Variants in COMMD1 observed in about 807,000 individuals in gnomAD.
The protein encoded by COMMD1 is COMM domain-containing protein 1.
COMMD1 carries 10 observed loss-of-function variants against 17.2 expected under a neutral mutation model. That is an observed-to-expected ratio of 0.58 (90% confidence interval 0.36 to 0.99). COMMD1 has a LOEUF of 0.99. Ranked by LOEUF, COMMD1 falls within the 50% of genes least tolerant of loss-of-function variation. COMMD1 has a pLI of 0.01. For synonymous variants in COMMD1, 97 were observed against 91.6 expected (o/e 1.06, Z -0.34); for missense variants, 270 against 231.8 (o/e 1.17, Z -1.07).
At chr2:62,019,123 CCCTCCCTCCCTT>C (rs1269040425) in intron 2 of COMMD1, among the ~76,000 whole-genome samples, 7 of 130,658 alleles carry the variant, frequency 5.4e-5, no homozygotes, top group South Asian at 2.9e-4. Context: ...CTCCCTCCCT[CCCTCCCTCCCTT>C]CCTTCCTTCC....
At chr2:62,028,535 T>G (rs1328439966) in intron 2 of COMMD1, among the ~76,000 whole-genome samples, 1 of 152,120 alleles carries the variant, frequency 6.6e-6, no homozygotes, top group African/African-American at 2.4e-5. Flanking sequence ...ACTGTGTCAC[T>G]GCACTCCAGC....
chr2:62,030,171 G>A (rs570232773), intron 2 of COMMD1, among the ~76,000 whole-genome samples: 1 of 152,294 alleles, frequency 6.6e-6, no homozygotes, highest in African/African-American at 2.4e-5. Context: ...TCTCTGGGAT[G>A]GGGGTCTTAT....
intron 2 of COMMD1, among the ~76,000 whole-genome samples, chr2:62,070,867 CA>C (rs1194545699): frequency 6.6e-6 from 1 of 151,960 alleles, no homozygotes. Flanking sequence ...CTGTCTCTAC[CA>C]AAAATACAAA....
At chr2:62,098,401 G>A (rs1218065900) in intron 2 of COMMD1, among the ~76,000 whole-genome samples, 2 of 151,962 alleles carry the variant, frequency 1.3e-5, no homozygotes, top group Non-Finnish European at 2.9e-5. Flanking sequence ...GTGAGCCACC[G>A]TGCCTGGCCT....
At chr2:62,085,583 A>G (rs561800751) in intron 2 of COMMD1, among the ~76,000 whole-genome samples, 1 of 152,140 alleles carries the variant, frequency 6.6e-6, no homozygotes, top group East Asian at 1.9e-4. Context: ...CATGCCTATA[A>G]TGCCAAAACT....
At chr2:62,040,073 A>G (rs911321691) in intron 2 of COMMD1, among the ~76,000 whole-genome samples, 3 of 152,258 alleles carry the variant, frequency 2.0e-5, no homozygotes, top group African/African-American at 7.2e-5. Context: ...CCTAGTCAAC[A>G]TAGAGACCCT....
intron 2 of COMMD1, chr2:62,069,999 C>A (rs549112897): frequency 1.3e-5 from 2 of 152,296 alleles, no homozygotes; most frequent in African/African-American, 4.8e-5. Flanking sequence ...TTAGCATAGA[C>A]CCCACAAGTT....
chr2:61,926,135 T>A (rs534454515), intron 1 of COMMD1, among the ~76,000 whole-genome samples: 1 of 152,200 alleles, frequency 6.6e-6, no homozygotes, highest in African/African-American at 2.4e-5. Context: ...CACGCCTGGC[T>A]AATTTTTTGT....
At position 62,106,448 on chromosome 2, in the gene COMMD1, G is replaced by A. The variant is rs77171403; in HGVS notation, c.463-29383G>A. Among the ~76,000 whole-genome samples the A allele has an allele frequency of 4.8e-3, 737 of 152,216 alleles. 2 individuals are homozygous for A. The highest frequency in any genetic ancestry group is 0.02 in the South Asian group (95 of 4,818). On this transcript the variant is annotated intron_variant, in intron 2 of 2. Coordinates refer to ENST00000311832, the MANE Select transcript of COMMD1 (RefSeq NM_152516.4). ...TCCTACCCTGTCATCTTACCTAAAG[G>A]AAGCTACTTTCCCTGTACCCTTGCT...
intron 1 of COMMD1, among the ~76,000 whole-genome samples, chr2:61,989,286 A>C (rs1286706802): frequency 6.6e-6 from 1 of 152,090 alleles, no homozygotes; most frequent in Non-Finnish European, 1.5e-5. Flanking sequence ...TACTATCCAA[A>C]GTCTGTAATT....
chr2:62,091,316 A>T (rs1363084648), intron 2 of COMMD1, among the ~76,000 whole-genome samples: 1 of 152,140 alleles, frequency 6.6e-6, no homozygotes, highest in Non-Finnish European at 1.5e-5. Context: ...TTTCTAAAGA[A>T]TGTCTCTCCT....
chr2:61,908,006 A>G (rs13384554), intron 1 of COMMD1, among the ~76,000 whole-genome samples: 39 of 152,122 alleles, frequency 2.6e-4, no homozygotes, highest in African/African-American at 8.9e-4. Flanking sequence ...TTTTAAATAC[A>G]TTGCTGAATA....
intron 1 of COMMD1, among the ~76,000 whole-genome samples, chr2:61,977,241 CTTTTTTTTTTT>C (rs1160361696): frequency 9.0e-5 from 8 of 88,792 alleles, no homozygotes; most frequent in Admixed American, 7.2e-4. Context: ...ATAAAGTTTG[CTTTTTTTTTTT>C]TTTTTTTTTT....
intron 2 of COMMD1, among the ~76,000 whole-genome samples, chr2:62,061,772 G>A (rs1316865905): frequency 6.6e-6 from 1 of 151,694 alleles, no homozygotes; most frequent in African/African-American, 2.4e-5. Context: ...AGCCAGGATA[G>A]GATGGTCTCG....
At chr2:61,944,705 C>A (rs1279376215) in intron 1 of COMMD1, among the ~76,000 whole-genome samples, 2 of 152,150 alleles carry the variant, frequency 1.3e-5, no homozygotes, top group Admixed American at 6.5e-5. Flanking sequence ...GAAAGCAGAA[C>A]TGTAGACCTA....
intron 2 of COMMD1, among the ~76,000 whole-genome samples, chr2:62,036,549 G>A (rs1160841944): frequency 6.6e-6 from 1 of 152,190 alleles, no homozygotes; most frequent in East Asian, 1.9e-4. Flanking sequence ...GTATTGGATG[G>A]TATGTCTTTG....
chr2:62,001,658 G>A (rs1241154973), intron 2 of COMMD1, among the ~76,000 whole-genome samples: 1 of 152,110 alleles, frequency 6.6e-6, no homozygotes, highest in East Asian at 1.9e-4. Context: ...TAATTAGGAA[G>A]AGAAAACCCA....
At chr2:61,913,467 G>A (rs1669964504) in intron 1 of COMMD1, among the ~76,000 whole-genome samples, 1 of 151,576 alleles carries the variant, frequency 6.6e-6, no homozygotes. Context: ...CATGAGGTCA[G>A]GAGATCGAGA....
rs914272407 is a variant in COMMD1, at chr2:61,987,032, CTTAA to C, written c.181-13665_181-13662del. Among the ~76,000 whole-genome samples the C allele has an allele frequency of 7.2e-5, 11 of 152,124 alleles. No individual in the cohort carries two copies. The East Asian group carries it at 1.2e-3, about 16-fold the overall frequency. Reference sequence around the variant, plus strand: ...GCTCCAGAATTTCCTTTTGCTTCTTCTTAATTATTTCCATTTTGTTGTTAAATTC... The same window carrying C: ...GCTCCAGAATTTCCTTTTGCTTCTTCTTATTTCCATTTTGTTGTTAAATTC... On this transcript the variant is annotated intron_variant, in intron 1 of 2. Transcript: ENST00000311832.
Sources: gnomAD v4.1 joint callset for allele counts (sites outside exome capture counted in the v4.1 genomes callset) on GRCh38, gnomAD v4.1.1 for gene constraint, MANE v1.5 for transcripts, NCBI Gene and HGNC (gene_info 2026-07-23, HGNC 2026-07-21) for gene names.